BAZ2B: variants seen among roughly 807,000 people sequenced by gnomAD.
The protein encoded by BAZ2B is bromodomain adjacent to zinc finger domain 2B.
Under a neutral mutation model 246.0 loss-of-function variants are expected in BAZ2B, and 91 were observed. The observed-to-expected ratio is 0.37, with a 90% CI of 0.31 to 0.44. The LOEUF is 0.44. Ranked by LOEUF, BAZ2B falls within the 20% of genes least tolerant of loss-of-function variation. BAZ2B has a pLI of 1.00. For synonymous variants in BAZ2B, 855 were observed against 860.0 expected (o/e 0.99, Z 0.10); for missense variants, 2,332 against 2,533.7 (o/e 0.92, Z 1.71).
intron 2 of BAZ2B, among the ~76,000 whole-genome samples, chr2:159,538,617 T>C (rs1269463722): frequency 6.6e-6 from 1 of 152,212 alleles, no homozygotes; most frequent in Non-Finnish European, 1.5e-5. Context: ...TGTATATCTA[T>C]ACCTAGGGTT....
At chr2:159,637,621 G>A in the BAZ2B span, among the ~76,000 whole-genome samples, 4 of 152,190 alleles carry the variant, frequency 2.6e-5, no homozygotes, top group African/African-American at 4.8e-5. Context: ...GCAGTGGCAC[G>A]ATCACAGCTC....
chr2:159,543,535 C>A (rs995170073), intron 2 of BAZ2B, among the ~76,000 whole-genome samples: 1 of 127,312 alleles, frequency 7.9e-6, no homozygotes, highest in African/African-American at 2.9e-5. Flanking sequence ...CTTAACAATT[C>A]TTTTTTTTTT....
In BAZ2B at chr2:159,423,957, T is replaced by C. The variant is rs1278064108; in HGVS notation, c.2466+3984A>G. Among the ~76,000 whole-genome samples, 4 of 152,268 alleles carry C rather than the reference T, an allele frequency of 2.6e-5. No homozygotes were observed. The East Asian group carries it at 7.7e-4, about 29-fold the overall frequency. ...TCATTTGCACACTGAACCTCAGTGATGCACAGCTTGCCCGCTTAGCAAACC... is the reference window on the plus strand; with the variant it reads ...TCATTTGCACACTGAACCTCAGTGACGCACAGCTTGCCCGCTTAGCAAACC... On this transcript the variant is annotated intron_variant, in intron 13 of 36. Coordinates refer to ENST00000392783, the MANE Select transcript of BAZ2B (RefSeq NM_013450.4).
chr2:159,436,188 T>A (rs2072257614), intron 8 of BAZ2B, among the ~76,000 whole-genome samples: 1 of 152,200 alleles, frequency 6.6e-6, no homozygotes, highest in Admixed American at 6.5e-5. Flanking sequence ...CTTCTAAATA[T>A]ATAGGTCTAA....
At chr2:159,572,388 G>C (rs1684242102) in intron 1 of BAZ2B, among the ~76,000 whole-genome samples, 1 of 152,168 alleles carries the variant, frequency 6.6e-6, no homozygotes, top group South Asian at 2.1e-4. Flanking sequence ...AGTGGGGACA[G>C]TATTATGGGA....
At chr2:159,670,395 T>C in the BAZ2B span, among the ~76,000 whole-genome samples, 1 of 152,212 alleles carries the variant, frequency 6.6e-6, no homozygotes, top group African/African-American at 2.4e-5. Flanking sequence ...GATCACAATA[T>C]ACATCTCTGA....
At chr2:159,330,069 GAAT>G (rs984262249) in intron 34 of BAZ2B, among the ~76,000 whole-genome samples, 2 of 152,112 alleles carry the variant, frequency 1.3e-5, no homozygotes, top group Non-Finnish European at 2.9e-5. Flanking sequence ...TGATCAATGA[GAAT>G]AATCAAAATA....
the BAZ2B span, among the ~76,000 whole-genome samples, chr2:159,676,680 C>CACACACACACAG: frequency 4.0e-5 from 6 of 149,422 alleles, no homozygotes; most frequent in Non-Finnish European, 3.0e-5. Context: ...CACACACACA[C>CACACACACACAG]AGAGTTGTTT....
chr2:159,702,054 C>T, the BAZ2B span, among the ~76,000 whole-genome samples: 1 of 152,188 alleles, frequency 6.6e-6, no homozygotes, highest in African/African-American at 2.4e-5. Context: ...TATATCCACA[C>T]CTACCTTAAT....
At chr2:159,550,847 T>A (rs969385763) in intron 2 of BAZ2B, among the ~76,000 whole-genome samples, 15 of 151,396 alleles carry the variant, frequency 9.9e-5, no homozygotes, top group African/African-American at 2.9e-4. Flanking sequence ...GAAAAAAAAA[T>A]TTTTTTGAGG....
At chr2:159,526,530 A>G (rs1417272103) in intron 2 of BAZ2B, among the ~76,000 whole-genome samples, 2 of 152,204 alleles carry the variant, frequency 1.3e-5, no homozygotes, top group Non-Finnish European at 2.9e-5. Flanking sequence ...AATGAATGAC[A>G]TAGAGCTACT....
At chr2:159,565,993 A>T (rs564730715) in intron 1 of BAZ2B, among the ~76,000 whole-genome samples, 15 of 152,248 alleles carry the variant, frequency 9.9e-5, no homozygotes, top group African/African-American at 3.4e-4. Flanking sequence ...CCATGTTAAA[A>T]ATATTACATA....
At chr2:159,322,836 T>C (rs1240230375) in intron 36 of BAZ2B, among the ~76,000 whole-genome samples, 1 of 152,114 alleles carries the variant, frequency 6.6e-6, no homozygotes, top group Non-Finnish European at 1.5e-5. Flanking sequence ...CAACTCAAAG[T>C]GGAGAGTTCG....
intron 3 of BAZ2B, among the ~76,000 whole-genome samples, chr2:159,472,059 T>C (rs186375107): frequency 3.5e-4 from 53 of 152,316 alleles, no homozygotes; most frequent in African/African-American, 1.3e-3. Context: ...AATTGGTTCA[T>C]TCAAGATTTG....
At chr2:159,455,840 A>G (rs57920347) in intron 3 of BAZ2B, among the ~76,000 whole-genome samples, 4,335 of 136,968 alleles carry the variant, frequency 0.032, 205 homozygotes, top group African/African-American at 0.11. Context: ...GCTTGTAACT[A>G]TAAAAACCAG....
intron 2 of BAZ2B, among the ~76,000 whole-genome samples, chr2:159,502,830 T>C (rs2081983218): frequency 6.6e-6 from 1 of 152,220 alleles, no homozygotes; most frequent in East Asian, 1.9e-4. Context: ...TCAAGTCACA[T>C]ACTCTTACCA....
At chr2:159,491,712 C>T (rs1397406181) in intron 2 of BAZ2B, among the ~76,000 whole-genome samples, 1 of 29,762 alleles carries the variant, frequency 3.4e-5, no homozygotes, top group African/African-American at 1.7e-4. Context: ...CAGAGCGAGA[C>T]TCCGTCTCAA....
chr2:159,329,609 G>A (rs1444427994), intron 34 of BAZ2B, among the ~76,000 whole-genome samples: 2 of 152,104 alleles, frequency 1.3e-5, no homozygotes, highest in Non-Finnish European at 2.9e-5. Flanking sequence ...TGAGAGCAAG[G>A]TGTATGTATA....
chr2:159,319,936 A>C lies in BAZ2B; in HGVS notation c.*329T>G. 1.2e-5 allele frequency: 2 copies of C among 166,492 alleles called. No homozygotes were observed. 10.3% of individuals were successfully genotyped at this position (166,492 alleles called of 1,614,324 possible). A position where few individuals can be genotyped will look rare whatever the true frequency, so the allele number is the denominator to read the frequency against. On this transcript the variant is annotated 3_prime_UTR_variant, in exon 37 of 37. Coordinates refer to ENST00000392783, the MANE Select transcript of BAZ2B (RefSeq NM_013450.4). The surrounding 1 kb of genome is among the most constrained non-coding windows in gnomAD (Gnocchi z 4.0). Reference sequence around the variant, plus strand: ...GGAAAGGAGAACCATTTCCCACATTAGAGCTCTGGTGTTGAGTATTCAGTG... The same window carrying C: ...GGAAAGGAGAACCATTTCCCACATTCGAGCTCTGGTGTTGAGTATTCAGTG...
Sources: allele counts gnomAD v4.1 joint callset (sites outside exome capture counted in the v4.1 genomes callset), GRCh38; gene constraint gnomAD v4.1.1; non-coding constraint Gnocchi (gnomAD v3.1); transcripts MANE v1.5; gene names NCBI Gene and HGNC (gene_info 2026-07-23, HGNC 2026-07-21).